The following DDX4 variants were observed in gnomAD, a reference collection of about 807,000 sequenced individuals.
The protein encoded by DDX4 is probable ATP-dependent RNA helicase DDX4.
In DDX4, 25 loss-of-function variants were observed where a neutral mutation model predicts 100.0. That is an observed-to-expected ratio of 0.25 (90% CI 0.18 to 0.35). The LOEUF (loss-of-function observed/expected upper bound fraction) is 0.35. Ranked by LOEUF, DDX4 falls within the 10% of genes least tolerant of loss-of-function variation. DDX4 has a pLI of 1.00. For synonymous variants in DDX4, 259 were observed against 275.7 expected, an observed-to-expected ratio of 0.94 and a Z score of 0.60; for missense variants, 635 against 882.4, an observed-to-expected ratio of 0.72 and a Z score of 3.55.
intron 7 of DDX4, among the ~76,000 whole-genome samples, chr5:55,771,108 C>T (rs1561493134): frequency 1.3e-5 from 2 of 151,988 alleles, no homozygotes; most frequent in Admixed American, 1.3e-4. Flanking sequence ...ATATAGGGGT[C>T]ACTCAGAAAA....
intron 10 of DDX4, among the ~76,000 whole-genome samples, chr5:55,783,364 G>A (rs1234451161): frequency 6.6e-6 from 1 of 151,724 alleles, no homozygotes; most frequent in Non-Finnish European, 1.5e-5. Context: ...GGACATACAA[G>A]ATAAGAAAAT....
intron 16 of DDX4, 106 bp from the exon 17 acceptor site, chr5:55,792,535 A>ATTT: frequency 3.2e-5 from 15 of 463,372 alleles, no homozygotes; most frequent in South Asian, 1.5e-4. Context: ...AATTTTTTGT[A>ATTT]TTTTTTTTTT....
intron 3 of DDX4, among the ~76,000 whole-genome samples, chr5:55,750,795 C>A (rs1759507581): frequency 6.6e-6 from 1 of 151,660 alleles, no homozygotes; most frequent in Non-Finnish European, 1.5e-5. Flanking sequence ...TTTTTTTTTA[C>A]TTTTCCCCCT....
chr5:55,747,950 C>T (rs925282088), intron 3 of DDX4, among the ~76,000 whole-genome samples: 13 of 152,196 alleles, frequency 8.5e-5, no homozygotes, highest in African/African-American at 2.9e-4. Flanking sequence ...GAGCTGCATG[C>T]TCACTGAAAC....
intron 18 of DDX4, among the ~76,000 whole-genome samples, chr5:55,805,707 G>A (rs1380656170): frequency 1.3e-5 from 2 of 152,202 alleles, no homozygotes; most frequent in Non-Finnish European, 2.9e-5. Context: ...TTCTTGATGT[G>A]CTGCTGGATT....
intron 18 of DDX4, among the ~76,000 whole-genome samples, chr5:55,800,044 G>C (rs1030774236): frequency 6.6e-6 from 1 of 152,082 alleles, no homozygotes; most frequent in African/African-American, 2.4e-5. Context: ...TTATTGGTTG[G>C]CTTCATCAAA....
At chr5:55,746,480 T>TC (rs1759254724) in intron 3 of DDX4, among the ~76,000 whole-genome samples, 1 of 152,150 alleles carries the variant, frequency 6.6e-6, no homozygotes, top group African/African-American at 2.4e-5. Context: ...ACATTCAGCT[T>TC]CCAGGCTGCT....
At chr5:55,752,831 C>A (rs1759653276) in intron 3 of DDX4, among the ~76,000 whole-genome samples, 1 of 147,308 alleles carries the variant, frequency 6.8e-6, no homozygotes, top group Non-Finnish European at 1.5e-5. Flanking sequence ...TTCTCCACAT[C>A]CTCTCCAGCA....
chr5:55,816,390 G>A (rs943029458), intron 21 of DDX4, 73 bp from the exon 22 acceptor site: 1 of 1,522,518 alleles, frequency 6.6e-7, no homozygotes, highest in Admixed American at 2.2e-5. Context: ...CAGTCTGAGT[G>A]ATGTAACTTT....
intron 4 of DDX4, among the ~76,000 whole-genome samples, chr5:55,761,665 T>C (rs1740558482): frequency 6.6e-6 from 1 of 152,070 alleles, no homozygotes; most frequent in African/African-American, 2.4e-5. Context: ...TGGAGTACAA[T>C]GGCACAATCT....
chr5:55,748,977 C>A (rs893972335), intron 3 of DDX4, among the ~76,000 whole-genome samples: 1 of 152,158 alleles, frequency 6.6e-6, no homozygotes, highest in Non-Finnish European at 1.5e-5. Flanking sequence ...TTTAGACATG[C>A]GTCTTTTCAT....
chr5:55,783,838 G>GT (rs147016073), intron 10 of DDX4, among the ~76,000 whole-genome samples: 2,508 of 143,816 alleles, frequency 0.017, 41 homozygotes, highest in African/African-American at 0.042. Context: ...AACCAGTAAA[G>GT]TTTTTTTTTT....
rs1473431101 is a variant in DDX4, at chr5:55,764,784, G to T, written c.334+720G>T. Among the ~76,000 whole-genome samples, 3 of 152,310 alleles carry T rather than the reference G, an allele frequency of 2.0e-5. No homozygotes were observed. In the East Asian group the frequency reaches 5.8e-4, roughly 29 times the overall value. ...CTTAATTTTTCTAAGCCAGTTTTCT[G>T]TTCCATAGAATGGAAGGTATTCATT... On this transcript the variant is annotated intron_variant, in intron 6 of 21. Transcript: ENST00000505374.
At chr5:55,814,055 T>A (rs1446837682) in intron 19 of DDX4, among the ~76,000 whole-genome samples, 1 of 152,142 alleles carries the variant, frequency 6.6e-6, no homozygotes, top group Non-Finnish European at 1.5e-5. Context: ...TCTCAAGAGA[T>A]CTCACTTAAG....
chr5:55,771,184 T>G (rs1741232204), intron 7 of DDX4, among the ~76,000 whole-genome samples: 1 of 152,200 alleles, frequency 6.6e-6, no homozygotes, highest in African/African-American at 2.4e-5. Context: ...AGTGTATAGT[T>G]CAATTATGTT....
chr5:55,760,972 T>G (rs1740501389), intron 4 of DDX4, among the ~76,000 whole-genome samples: 1 of 152,198 alleles, frequency 6.6e-6, no homozygotes, highest in Non-Finnish European at 1.5e-5. Context: ...TACTTGACAC[T>G]TATTCTTGAA....
At chr5:55,767,225 AG>A (rs1200280114) in intron 6 of DDX4, among the ~76,000 whole-genome samples, 4 of 152,142 alleles carry the variant, frequency 2.6e-5, no homozygotes, top group African/African-American at 7.2e-5. Flanking sequence ...GAATCACCTG[AG>A]GTTCAGGAAT....
intron 1 of DDX4, 41 bp from the exon 2 acceptor site, chr5:55,738,909 T>C (rs186905035): frequency 9.5e-7 from 1 of 1,047,926 alleles, no homozygotes. Context: ...GATTCTGATC[T>C]AATTGAGTCC....
chr5:55,813,594 A>T (rs1020524335), intron 18 of DDX4, 79 bp from the exon 19 acceptor site: 1 of 1,437,696 alleles, frequency 7.0e-7, no homozygotes, highest in African/African-American at 1.5e-5. Flanking sequence ...TTCATATTCA[A>T]GCACTGCCTC....
Sources: gnomAD v4.1 joint callset for allele counts (sites outside exome capture counted in the v4.1 genomes callset) on GRCh38, gnomAD v4.1.1 for gene constraint, MANE v1.5 for transcripts, NCBI Gene and HGNC (gene_info 2026-07-23, HGNC 2026-07-21) for gene names.